The following GPR158 variants were observed in gnomAD, a reference collection of about 807,000 sequenced individuals.
GPR158 encodes the protein metabotropic glycine receptor.
Under a neutral mutation model 78.2 loss-of-function variants are expected in GPR158, and 30 were observed. The ratio of observed to expected loss-of-function variants is 0.38; its 90% CI spans 0.29 to 0.52. The LOEUF (loss-of-function observed/expected upper bound fraction) is 0.52. Among genes scored for constraint, GPR158 ranks in the 20% least tolerant of loss-of-function variants. GPR158 has a pLI of 0.83. For missense variants in GPR158, 1,463 were observed against 1,523.5 expected (o/e 0.96, Z 0.66); for synonymous variants, 581 against 591.1 (o/e 0.98, Z 0.25).
chr10:25,558,643 T>C (rs1350363712), intron 6 of GPR158, among the ~76,000 whole-genome samples: 1 of 152,208 alleles, frequency 6.6e-6, no homozygotes, highest in Non-Finnish European at 1.5e-5. Context: ...CCGCTTACTC[T>C]GGTGCCCCTC....
chr10:25,440,907 T>C (rs1436103115), intron 4 of GPR158, among the ~76,000 whole-genome samples: 3 of 152,226 alleles, frequency 2.0e-5, no homozygotes, highest in Non-Finnish European at 4.4e-5. Context: ...AGTCAATTTT[T>C]AGCTCTAGGA....
intron 4 of GPR158, among the ~76,000 whole-genome samples, chr10:25,428,965 G>A (rs945265659): frequency 9.9e-5 from 15 of 152,006 alleles, no homozygotes; most frequent in African/African-American, 2.4e-4. Context: ...TGAAATATGC[G>A]TAGGGCCATC....
At chr10:25,225,637 A>T (rs1338151665) in intron 2 of GPR158, among the ~76,000 whole-genome samples, 2 of 152,140 alleles carry the variant, frequency 1.3e-5, no homozygotes, top group Non-Finnish European at 2.9e-5. Context: ...TTTGCATGCC[A>T]ATTAAAGTCG....
At chr10:25,201,172 A>C (rs1852923300) in intron 1 of GPR158, among the ~76,000 whole-genome samples, 1 of 151,814 alleles carries the variant, frequency 6.6e-6, no homozygotes, top group South Asian at 2.1e-4. Flanking sequence ...GTCATCTCTG[A>C]TTTATTTGAG....
chr10:25,597,946 A>G lies in GPR158; in HGVS notation c.2320A>G (p.Lys774Glu). Residue 774 changes from lysine (K) to glutamate (E), a missense_variant, in exon 11 of 11, where the codon AAG (lysine) becomes GAG (glutamate). Coordinates refer to ENST00000376351, the MANE Select transcript of GPR158 (RefSeq NM_020752.3). Reference sequence around the variant, plus strand: ...CAGCCGGCAGTGCTCTAAAGAGGACAAGGAGGGCGCCGACCATGGCACAGC... The same window carrying G: ...CAGCCGGCAGTGCTCTAAAGAGGACGAGGAGGGCGCCGACCATGGCACAGC... ...TVSRQCSKEDKEGADHGTAKG... is the reference protein window; with the variant it reads ...TVSRQCSKEDEEGADHGTAKG... 1 of 1,613,942 alleles carries G rather than the reference A, an allele frequency of 6.2e-7. No homozygotes were observed. The highest frequency in any genetic ancestry group is 8.5e-7 in the Non-Finnish European group (1 of 1,179,908).
chr10:25,473,391 A>C (rs1835536704), intron 5 of GPR158, among the ~76,000 whole-genome samples: 1 of 152,130 alleles, frequency 6.6e-6, no homozygotes. Flanking sequence ...ATTGATGTTC[A>C]TCAGGGATAT....
At chr10:25,472,524 A>T (rs1419317048) in intron 5 of GPR158, among the ~76,000 whole-genome samples, 1 of 152,142 alleles carries the variant, frequency 6.6e-6, no homozygotes, top group East Asian at 1.9e-4. Flanking sequence ...CTGGATGGGG[A>T]TGGCATTGAA....
At chr10:25,545,102 A>G (rs1836644236) in intron 5 of GPR158, among the ~76,000 whole-genome samples, 1 of 152,176 alleles carries the variant, frequency 6.6e-6, no homozygotes, top group African/African-American at 2.4e-5. Flanking sequence ...TATCCAGTCT[A>G]TCATTGATGA....
chr10:25,248,187 G>A (rs370998956), intron 2 of GPR158, among the ~76,000 whole-genome samples: 21 of 151,632 alleles, frequency 1.4e-4, no homozygotes, highest in African/African-American at 5.1e-4. Flanking sequence ...TGTAAATTTG[G>A]TTGAGTTCAT....
At position 25,447,969 on chromosome 10, in the gene GPR158, C is replaced by G. The variant is rs540536577; in HGVS notation, c.1336-18682C>G. 8.5e-5 allele frequency among the ~76,000 whole-genome samples: 13 copies of G among 152,324 alleles called. No homozygotes were observed. In the South Asian group the frequency reaches 2.7e-3, roughly 32 times the overall value. ...AGTCAGTCCCACACCTCTCTCCACCCCTAACCAGAGATAACCGCTGTTCAG... is the reference window on the plus strand; with the variant it reads ...AGTCAGTCCCACACCTCTCTCCACCGCTAACCAGAGATAACCGCTGTTCAG... On this transcript the variant is annotated intron_variant, in intron 4 of 10. Transcript: ENST00000376351.
chr10:25,569,515 C>G (rs757111555), intron 6 of GPR158, among the ~76,000 whole-genome samples: 1 of 152,174 alleles, frequency 6.6e-6, no homozygotes. Flanking sequence ...CTCTGAAGCA[C>G]TGTTTCTCAA....
chr10:25,566,939 T>G (rs1836937383), intron 6 of GPR158, among the ~76,000 whole-genome samples: 1 of 152,198 alleles, frequency 6.6e-6, no homozygotes, highest in African/African-American at 2.4e-5. Flanking sequence ...GACTCTTTTG[T>G]CAATAATTGA....
rs184322367 is a variant in GPR158, at chr10:25,290,633, A to G, written c.1008+69476A>G. The stretch of plus-strand genomic sequence containing the variant: ...TAGGCCTTTGTCATTAGCAATGGAA[A>G]AATGTTAGATAATCAGGTGATAAAT... On this transcript the variant is annotated intron_variant, in intron 2 of 10. Transcript: ENST00000376351. Among the ~76,000 whole-genome samples the G allele has an allele frequency of 1.1e-3, 170 of 152,286 alleles. 2 individuals are homozygous for G. Among genetic ancestry groups the G allele is most frequent in the African/African-American group, 3.7e-3 (152 of 41,592 alleles).
At chr10:25,258,634 A>AT (rs746800166) in intron 2 of GPR158, among the ~76,000 whole-genome samples, 2,959 of 151,650 alleles carry the variant, frequency 0.02, 41 homozygotes, top group Middle Eastern at 0.068. Flanking sequence ...ATTCATTGTA[A>AT]TTTTTTTTTC....
At chr10:25,464,673 GTCTTCTT>G (rs1835398940) in intron 4 of GPR158, among the ~76,000 whole-genome samples, 1 of 152,186 alleles carries the variant, frequency 6.6e-6, no homozygotes, top group African/African-American at 2.4e-5. Flanking sequence ...TCCAAAGTCT[GTCTTCTT>G]CATCGTACCT....
intron 5 of GPR158, among the ~76,000 whole-genome samples, chr10:25,548,892 T>A (rs1588907768): frequency 6.6e-6 from 1 of 152,204 alleles, no homozygotes; most frequent in South Asian, 2.1e-4. Flanking sequence ...TATTAACAAG[T>A]CCTGAACTTC....
intron 2 of GPR158, among the ~76,000 whole-genome samples, chr10:25,283,598 T>A (rs187563395): frequency 2.3e-3 from 349 of 152,064 alleles, no homozygotes; most frequent in Non-Finnish European, 4.2e-3. Flanking sequence ...CTGTATTATT[T>A]TGTTTTTCCA....
At chr10:25,477,458 A>G (rs968991746) in intron 5 of GPR158, among the ~76,000 whole-genome samples, 1 of 152,088 alleles carries the variant, frequency 6.6e-6, no homozygotes, top group Admixed American at 6.6e-5. Flanking sequence ...CTCATTTTAT[A>G]CTTCATTCCC....
chr10:25,306,344 A>G (rs1854676197), intron 2 of GPR158, among the ~76,000 whole-genome samples: 2 of 152,194 alleles, frequency 1.3e-5, no homozygotes, highest in African/African-American at 2.4e-5. Flanking sequence ...AGTTTCAACT[A>G]TAGTCAAACT....
Sources: gnomAD v4.1 joint callset for allele counts (sites outside exome capture counted in the v4.1 genomes callset) on GRCh38, gnomAD v4.1.1 for gene constraint, MANE v1.5 for transcripts, NCBI Gene and HGNC (gene_info 2026-07-23, HGNC 2026-07-21) for gene names.